Variants in PTPRT observed in about 807,000 individuals in gnomAD.
PTPRT encodes the protein protein tyrosine phosphatase receptor type T, also known as receptor-type tyrosine-protein phosphatase T.
In PTPRT, 56 loss-of-function variants were observed where a neutral mutation model predicts 176.8. The ratio of observed to expected loss-of-function variants is 0.32; its 90% CI spans 0.26 to 0.40. PTPRT has a LOEUF of 0.40. Ranked by LOEUF, PTPRT falls within the 10% of genes least tolerant of loss-of-function variation. The pLI is 1.00. For synonymous variants in PTPRT, 783 were observed against 739.0 expected (o/e 1.06, Z -0.96); for missense variants, 1,540 against 1,908.2 (o/e 0.81, Z 3.60).
intron 1 of PTPRT, among the ~76,000 whole-genome samples, chr20:43,111,316 G>A (rs1164530694): frequency 2.0e-5 from 3 of 151,978 alleles, no homozygotes; most frequent in Non-Finnish European, 2.9e-5. Flanking sequence ...AAGGAGGGCG[G>A]ATCACGAGGT....
chr20:42,631,755 T>C (rs574180660), intron 7 of PTPRT, among the ~76,000 whole-genome samples: 1 of 152,240 alleles, frequency 6.6e-6, no homozygotes, highest in South Asian at 2.1e-4. Flanking sequence ...TTGAAGAAGC[T>C]TGTGTAAATG....
At chr20:42,806,416 G>A (rs1390658586) in intron 2 of PTPRT, among the ~76,000 whole-genome samples, 1 of 151,386 alleles carries the variant, frequency 6.6e-6, no homozygotes, top group Non-Finnish European at 1.5e-5. Context: ...CCCAGGAGGC[G>A]GAGGTTGCAG....
At chr20:43,128,402 G>A (rs1056740021) in intron 1 of PTPRT, among the ~76,000 whole-genome samples, 5 of 152,128 alleles carry the variant, frequency 3.3e-5, no homozygotes, top group East Asian at 1.9e-4. Context: ...ATTACAAAAC[G>A]CAGAACTCTG....
intron 16 of PTPRT, among the ~76,000 whole-genome samples, chr20:42,180,377 A>T (rs1008843967): frequency 6.6e-6 from 1 of 152,094 alleles, no homozygotes; most frequent in Non-Finnish European, 1.5e-5. Flanking sequence ...CTTTAGTCAG[A>T]TGTCATCTTC....
At chr20:42,113,096 G>A (rs751185321) in intron 22 of PTPRT, among the ~76,000 whole-genome samples, 27 of 152,258 alleles carry the variant, frequency 1.8e-4, no homozygotes, top group Admixed American at 4.6e-4. Context: ...AGCTAAAATC[G>A]CAGGTAATGT....
Position 42,497,447 on chromosome 20 carries a change from A to AT in PTPRT, c.1154-24886dup, listed in dbSNP as rs558572478. 1.1e-4 allele frequency among the ~76,000 whole-genome samples: 16 copies of AT among 150,964 alleles called. No homozygotes were observed. The South Asian group carries it at 1.5e-3, about 14-fold the overall frequency. On this transcript the variant is annotated intron_variant, in intron 7 of 30. Coordinates refer to ENST00000373187, the MANE Select transcript of PTPRT (RefSeq NM_007050.6). ...AAAAGCTGCTTCTCCTGTTATCTTGATTTTTTTTGGTTTGTTTGTTTGAGA... is the reference window on the plus strand; with the variant it reads ...AAAAGCTGCTTCTCCTGTTATCTTGATTTTTTTTTGGTTTGTTTGTTTGAGA...
At chr20:42,715,171 G>A (rs926101370) in intron 6 of PTPRT, among the ~76,000 whole-genome samples, 21 of 152,088 alleles carry the variant, frequency 1.4e-4, no homozygotes, top group South Asian at 8.3e-4. Context: ...AGGACACGCC[G>A]GTAATTTAAC....
At chr20:42,697,391 C>T (rs1275505294) in intron 6 of PTPRT, among the ~76,000 whole-genome samples, 1 of 152,360 alleles carries the variant, frequency 6.6e-6, no homozygotes, top group East Asian at 1.9e-4. Flanking sequence ...TAAACATGCG[C>T]AACTTCTGGC....
intron 9 of PTPRT, among the ~76,000 whole-genome samples, chr20:42,389,356 A>G (rs2058777248): frequency 6.6e-6 from 1 of 152,032 alleles, no homozygotes; most frequent in South Asian, 2.1e-4. Context: ...TTCACAGCAA[A>G]CTAAATTCTT....
chr20:42,362,543 T>A (rs908861620), intron 9 of PTPRT, among the ~76,000 whole-genome samples: 1 of 152,064 alleles, frequency 6.6e-6, no homozygotes, highest in Admixed American at 6.5e-5. Flanking sequence ...TGGAGGAGAC[T>A]AAGGAAAAAA....
intron 7 of PTPRT, among the ~76,000 whole-genome samples, chr20:42,488,214 G>A (rs550084358): frequency 6.6e-6 from 1 of 152,146 alleles, no homozygotes; most frequent in Non-Finnish European, 1.5e-5. Flanking sequence ...GACCTTCTCA[G>A]GTGTCTCCTT....
intron 1 of PTPRT, among the ~76,000 whole-genome samples, chr20:43,051,487 T>C (rs1218223866): frequency 6.6e-6 from 1 of 152,124 alleles, no homozygotes; most frequent in African/African-American, 2.4e-5. Flanking sequence ...TAAACAAATC[T>C]AAATCATTCA....
chr20:42,468,382 G>T (rs917640457), intron 8 of PTPRT, among the ~76,000 whole-genome samples: 1 of 152,176 alleles, frequency 6.6e-6, no homozygotes, highest in Admixed American at 6.5e-5. Flanking sequence ...TCTTTAGAAA[G>T]AATGGAACTT....
At chr20:42,344,019 C>T (rs925278923) in intron 11 of PTPRT, among the ~76,000 whole-genome samples, 3 of 152,238 alleles carry the variant, frequency 2.0e-5, no homozygotes, top group Non-Finnish European at 4.4e-5. Flanking sequence ...AGTGCCTCAG[C>T]CTCTCAACTA....
intron 13 of PTPRT, among the ~76,000 whole-genome samples, chr20:42,255,536 AG>A (rs2056623621): frequency 6.6e-6 from 1 of 152,198 alleles, no homozygotes; most frequent in South Asian, 2.1e-4. Context: ...ATAAAGGCAG[AG>A]CCCCTAGAGT....
At chr20:42,535,962 T>A (rs188620008) in intron 7 of PTPRT, among the ~76,000 whole-genome samples, 1 of 152,274 alleles carries the variant, frequency 6.6e-6, no homozygotes, top group African/African-American at 2.4e-5. Context: ...CATATACAGA[T>A]AACTACCCTG....
At chr20:42,579,253 A>G (rs946531889) in intron 7 of PTPRT, among the ~76,000 whole-genome samples, 12 of 151,842 alleles carry the variant, frequency 7.9e-5, no homozygotes, top group South Asian at 4.2e-4. Flanking sequence ...ATTTTTTATG[A>G]CTGCATAGTA....
chr20:42,156,313 A>G (rs999112157), intron 17 of PTPRT, among the ~76,000 whole-genome samples: 1 of 152,094 alleles, frequency 6.6e-6, no homozygotes, highest in Non-Finnish European at 1.5e-5. Flanking sequence ...CAAGGGCTCT[A>G]TTTAGTTCCC....
At chr20:42,795,723 G>A (rs13040356) in intron 2 of PTPRT, among the ~76,000 whole-genome samples, 60,790 of 151,784 alleles carry the variant, frequency 0.4, 14,214 homozygotes, top group East Asian at 0.53. Context: ...TGGATCTTCA[G>A]TTAAGTAAGC....
Sources: gnomAD v4.1 joint callset for allele counts (sites outside exome capture counted in the v4.1 genomes callset) on GRCh38, gnomAD v4.1.1 for gene constraint, MANE v1.5 for transcripts, NCBI Gene and HGNC (gene_info 2026-07-23, HGNC 2026-07-21) for gene names.